PARD3B: variants seen among roughly 807,000 people sequenced by gnomAD.
The protein encoded by PARD3B is partitioning defective 3 homolog B.
In PARD3B, 103 loss-of-function variants were observed where a neutral mutation model predicts 130.2. The ratio of observed to expected loss-of-function variants is 0.79; its 90% CI spans 0.67 to 0.93. The LOEUF (loss-of-function observed/expected upper bound fraction) is 0.93. PARD3B is among the 40% of genes least tolerant of loss of function. The pLI is 0.00. For synonymous variants in PARD3B, 583 were observed against 553.2 expected, an observed-to-expected ratio of 1.05 and a Z score of -0.76; for missense variants, 1,609 against 1,499.2, an observed-to-expected ratio of 1.07 and a Z score of -1.21.
At chr2:205,492,660 T>C (rs1372307607) in intron 20 of PARD3B, among the ~76,000 whole-genome samples, 1 of 151,928 alleles carries the variant, frequency 6.6e-6, no homozygotes, top group African/African-American at 2.4e-5. Flanking sequence ...TTGAAAAAAA[T>C]AGAGATGCTT....
At chr2:204,714,966 A>G (rs906311442) in intron 2 of PARD3B, among the ~76,000 whole-genome samples, 33 of 152,226 alleles carry the variant, frequency 2.2e-4, no homozygotes, top group African/African-American at 7.7e-4. Context: ...ATCCTAAGCA[A>G]TAAGAGTTGA....
chr2:205,380,771 A>G (rs190792589), intron 18 of PARD3B, among the ~76,000 whole-genome samples: 31 of 101,272 alleles, frequency 3.1e-4, no homozygotes, highest in African/African-American at 1.3e-3. Context: ...GAATATATAT[A>G]ATATATAAAG....
chr2:205,194,649 C>A (rs1053852022), intron 15 of PARD3B, among the ~76,000 whole-genome samples: 1 of 151,860 alleles, frequency 6.6e-6, no homozygotes, highest in Non-Finnish European at 1.5e-5. Flanking sequence ...TTAAAGCAGC[C>A]ACTATTATGT....
chr2:205,487,439 TCTAA>T (rs1365720336), intron 20 of PARD3B, among the ~76,000 whole-genome samples: 1 of 134,122 alleles, frequency 7.5e-6, no homozygotes, highest in African/African-American at 2.7e-5. Context: ...ACTGTTCTCT[TCTAA>T]CTGACATAAT....
chr2:204,785,849 C>T (rs1383454960), intron 2 of PARD3B, among the ~76,000 whole-genome samples: 1 of 152,102 alleles, frequency 6.6e-6, no homozygotes, highest in Non-Finnish European at 1.5e-5. Flanking sequence ...TGTGGTGGCT[C>T]ACGCCTATAA....
chr2:205,001,033 A>G lies in PARD3B; in HGVS notation c.394+35710A>G, dbSNP rs923653963. ...AGACAGAGTTTTGCTCTTTTTGCCC[A>G]GGCTGAATGCAATGGTGCTATCTTG... On this transcript the variant is annotated intron_variant, in intron 3 of 22. Transcript: ENST00000406610. Among the ~76,000 whole-genome samples, 3 of 152,060 alleles carry G rather than the reference A, an allele frequency of 2.0e-5. No homozygotes were observed. The East Asian group carries it at 5.8e-4, about 29-fold the overall frequency.
intron 18 of PARD3B, among the ~76,000 whole-genome samples, chr2:205,319,515 G>A (rs955137116): frequency 6.6e-6 from 1 of 152,176 alleles, no homozygotes; most frequent in African/African-American, 2.4e-5. Flanking sequence ...TATGGTCTGT[G>A]TAGCTGGCAG....
chr2:205,508,663 C>T (rs116075246), intron 21 of PARD3B, among the ~76,000 whole-genome samples: 1 of 152,018 alleles, frequency 6.6e-6, no homozygotes, highest in Middle Eastern at 3.2e-3. Flanking sequence ...AGTTGATGAA[C>T]CTTCTTGAGC....
At position 205,607,401 on chromosome 2, in the gene PARD3B, G is replaced by A. The variant is rs528318752; in HGVS notation, c.3261-8055G>A. On this transcript the variant is annotated intron_variant, in intron 22 of 22. Coordinates refer to ENST00000406610, the MANE Select transcript of PARD3B (RefSeq NM_001302769.2). The stretch of plus-strand genomic sequence containing the variant: ...ACTGCATGGTCTAACTTAGTGGTCA[G>A]GCATGCAGCCTCTGGGTCTGTCTGT... Among the ~76,000 whole-genome samples the A allele has an allele frequency of 1.1e-4, 17 of 152,314 alleles. No homozygotes were observed. The South Asian group carries it at 3.5e-3, about 32-fold the overall frequency.
intron 2 of PARD3B, among the ~76,000 whole-genome samples, chr2:204,728,495 G>A (rs1194937359): frequency 1.3e-5 from 2 of 152,132 alleles, no homozygotes; most frequent in Admixed American, 6.6e-5. Context: ...AGTGTAGACA[G>A]TATGAAATGT....
chr2:205,222,812 G>A (rs956004175), intron 15 of PARD3B, among the ~76,000 whole-genome samples: 4 of 151,938 alleles, frequency 2.6e-5, no homozygotes, highest in Admixed American at 2.6e-4. Flanking sequence ...CAGAGAATGA[G>A]GTTTCCTAGG....
At chr2:204,737,638 A>G in intron 2 of PARD3B, among the ~76,000 whole-genome samples, 1 of 152,150 alleles carries the variant, frequency 6.6e-6, no homozygotes, top group East Asian at 1.9e-4. Context: ...CTTAGTCATG[A>G]ATTCTTTGCC....
chr2:204,946,527 G>A (rs994022859), intron 2 of PARD3B, among the ~76,000 whole-genome samples: 15 of 152,012 alleles, frequency 9.9e-5, no homozygotes, highest in Admixed American at 6.6e-4. Flanking sequence ...CTATGTAATT[G>A]TAGGGAACAC....
chr2:204,887,632 A>G lies in PARD3B; in HGVS notation c.223-77520A>G, dbSNP rs946692232. The stretch of plus-strand genomic sequence containing the variant: ...GTAGATGAGGATGCTGCTTTCTTTG[A>G]TTTAACAGTATTAACAGAGCACTAT... On this transcript the variant is annotated intron_variant, in intron 2 of 22. Transcript: ENST00000406610. The surrounding 1 kb of genome is among the most constrained non-coding windows in gnomAD (Gnocchi z 4.2). 2.0e-5 allele frequency among the ~76,000 whole-genome samples: 3 copies of G among 152,178 alleles called. No homozygotes were observed. Among genetic ancestry groups the G allele is most frequent in the Non-Finnish European group, 2.9e-5 (2 of 68,036 alleles).
intron 2 of PARD3B, among the ~76,000 whole-genome samples, chr2:204,869,805 C>A (rs2045564465): frequency 6.6e-6 from 1 of 152,108 alleles, no homozygotes; most frequent in Non-Finnish European, 1.5e-5. Context: ...ATATTCCTGC[C>A]TTGCTCTCCT....
intron 2 of PARD3B, among the ~76,000 whole-genome samples, chr2:204,688,177 A>G (rs561155658): frequency 1.3e-5 from 2 of 152,282 alleles, no homozygotes; most frequent in Non-Finnish European, 2.9e-5. Context: ...AATTCTGTTA[A>G]TGTACTTCAA....
At chr2:205,303,429 A>G (rs2042082424) in intron 18 of PARD3B, among the ~76,000 whole-genome samples, 1 of 152,154 alleles carries the variant, frequency 6.6e-6, no homozygotes, top group African/African-American at 2.4e-5. Context: ...CCTCAGACAT[A>G]TACCCCTGAG....
chr2:204,893,014 T>A (rs1456827607), intron 2 of PARD3B, among the ~76,000 whole-genome samples: 1 of 152,162 alleles, frequency 6.6e-6, no homozygotes, highest in Non-Finnish European at 1.5e-5. Context: ...TTTTGAATCA[T>A]AAAACTGGAT....
At chr2:204,886,121 C>G (rs1159958841) in intron 2 of PARD3B, among the ~76,000 whole-genome samples, 5 of 152,052 alleles carry the variant, frequency 3.3e-5, no homozygotes, top group Non-Finnish European at 5.9e-5. Flanking sequence ...TTTACAAAAC[C>G]CACAAAGCAT....
Sources: gnomAD v4.1 joint callset for allele counts (sites outside exome capture counted in the v4.1 genomes callset) on GRCh38, gnomAD v4.1.1 for gene constraint, Gnocchi (gnomAD v3.1) non-coding constraint, MANE v1.5 for transcripts, NCBI Gene and HGNC (gene_info 2026-07-23, HGNC 2026-07-21) for gene names.